TMEM117: variants seen among roughly 807,000 people sequenced by gnomAD.
The protein encoded by TMEM117 is transmembrane protein 117.
A neutral mutation model predicts 52.4 loss-of-function variants in TMEM117; 27 were observed. The observed-to-expected ratio is 0.51, with a 90% CI of 0.38 to 0.71. The LOEUF (loss-of-function observed/expected upper bound fraction) is 0.71. Among genes scored for constraint, TMEM117 ranks in the 30% least tolerant of loss-of-function variants. TMEM117 has a pLI of 0.00. For missense variants in TMEM117, 556 were observed against 630.5 expected (o/e 0.88, Z 1.26); for synonymous variants, 215 against 206.3 (o/e 1.04, Z -0.36).
the TMEM117 span, among the ~76,000 whole-genome samples, chr12:43,801,998 C>A: frequency 6.6e-6 from 1 of 152,200 alleles, no homozygotes; most frequent in Non-Finnish European, 1.5e-5. Context: ...CCACAGCAAG[C>A]TGGTCTGGGT....
In TMEM117 at chr12:44,239,394, A is replaced by G. The variant is rs148201916; in HGVS notation, c.608+28007A>G. Among the ~76,000 whole-genome samples the G allele has an allele frequency of 8.2e-3, 1,251 of 152,268 alleles. 13 individuals carry two copies. The highest frequency in any genetic ancestry group is 0.029 in the African/African-American group (1,187 of 41,566). The stretch of plus-strand genomic sequence containing the variant: ...TACCTGTGGCATTAAGGATTGTTCT[A>G]TCAGAAAATTTTATCAAATACACTG... On this transcript the variant is annotated intron_variant, in intron 5 of 7. Coordinates refer to ENST00000266534, the MANE Select transcript of TMEM117 (RefSeq NM_032256.3).
intron 4 of TMEM117, among the ~76,000 whole-genome samples, chr12:44,154,759 T>C (rs1948802975): frequency 6.7e-6 from 1 of 150,302 alleles, no homozygotes; most frequent in Non-Finnish European, 1.5e-5. Context: ...CAATATGCTA[T>C]ATATCTAAAA....
intron 2 of TMEM117, among the ~76,000 whole-genome samples, chr12:43,861,020 T>C (rs972598911): frequency 1.3e-5 from 2 of 152,118 alleles, no homozygotes; most frequent in African/African-American, 4.8e-5. Context: ...CTCCCTCCAG[T>C]GGGACATAGA....
intron 2 of TMEM117, among the ~76,000 whole-genome samples, chr12:43,910,112 C>T (rs11495413): frequency 0.66 from 67,089 of 102,016 alleles, 24,285 homozygotes; most frequent in East Asian, 0.83. Context: ...ACTGGCAAAC[C>T]GAATCCAGCA....
chr12:44,302,455 T>C (rs1243506158), intron 6 of TMEM117, among the ~76,000 whole-genome samples: 1 of 152,252 alleles, frequency 6.6e-6, no homozygotes, highest in Admixed American at 6.5e-5. Flanking sequence ...TTGTGCCTTT[T>C]CTGTTCTGCT....
intron 3 of TMEM117, among the ~76,000 whole-genome samples, chr12:44,124,215 G>A (rs1248239490): frequency 2.0e-5 from 3 of 152,038 alleles, no homozygotes; most frequent in Non-Finnish European, 4.4e-5. Context: ...CCATGTTGGT[G>A]GTGTACAAGA....
chr12:44,275,778 A>G (rs947521911), intron 5 of TMEM117, among the ~76,000 whole-genome samples: 1 of 151,942 alleles, frequency 6.6e-6, no homozygotes, highest in African/African-American at 2.4e-5. Context: ...TAGAGAGTAG[A>G]AGGATGGTTA....
chr12:44,180,556 A>G (rs1949181363), intron 4 of TMEM117, among the ~76,000 whole-genome samples: 1 of 126,162 alleles, frequency 7.9e-6, no homozygotes, highest in Admixed American at 1.0e-4. Flanking sequence ...TCCTGTGTCC[A>G]TGTGATCTCA....
At chr12:44,133,229 G>A (rs1039968365) in intron 3 of TMEM117, among the ~76,000 whole-genome samples, 1 of 152,202 alleles carries the variant, frequency 6.6e-6, no homozygotes, top group African/African-American at 2.4e-5. Flanking sequence ...TGGTGCACAT[G>A]TTGACAACAT....
At chr12:44,042,287 G>C (rs1395036766) in intron 3 of TMEM117, among the ~76,000 whole-genome samples, 1 of 139,766 alleles carries the variant, frequency 7.2e-6, no homozygotes, top group African/African-American at 2.8e-5. Flanking sequence ...GTTGTATTAT[G>C]TTTTTGGTTT....
intron 4 of TMEM117, among the ~76,000 whole-genome samples, chr12:44,153,175 A>G (rs1479353101): frequency 6.6e-6 from 1 of 151,822 alleles, no homozygotes. Flanking sequence ...ATCCATAAAA[A>G]CCCTGAAACA....
At chr12:44,152,685 ATATT>A (rs1381431186) in intron 4 of TMEM117, among the ~76,000 whole-genome samples, 6 of 133,438 alleles carry the variant, frequency 4.5e-5, no homozygotes, top group African/African-American at 1.4e-4. Context: ...TATATATATA[ATATT>A]TATATATAAA....
At position 44,379,893 on chromosome 12, in the gene TMEM117, C is replaced by T. The variant is rs184704253; in HGVS notation, c.898+3169C>T. ...TATTAAGCATAAAACCCTCTAGATC[C>T]GTCAGGGGATGACAAACGTTAATGT... On this transcript the variant is annotated intron_variant, in intron 7 of 7. Coordinates refer to ENST00000266534, the MANE Select transcript of TMEM117 (RefSeq NM_032256.3). 2.7e-4 allele frequency among the ~76,000 whole-genome samples: 41 copies of T among 152,230 alleles called. No homozygotes were observed. In the East Asian group the frequency reaches 4.6e-3, roughly 17 times the overall value.
intron 6 of TMEM117, among the ~76,000 whole-genome samples, chr12:44,373,682 C>G (rs1233376651): frequency 6.6e-6 from 1 of 151,454 alleles, no homozygotes; most frequent in Non-Finnish European, 1.5e-5. Context: ...AGACTGGAAC[C>G]TAGATAGATT....
chr12:44,215,340 G>A (rs1949701722), intron 5 of TMEM117, among the ~76,000 whole-genome samples: 1 of 152,178 alleles, frequency 6.6e-6, no homozygotes, highest in Non-Finnish European at 1.5e-5. Context: ...TTCTGCAGTT[G>A]TGCAAAGATG....
intron 3 of TMEM117, among the ~76,000 whole-genome samples, chr12:44,044,063 G>A (rs1946843401): frequency 6.6e-6 from 1 of 152,212 alleles, no homozygotes; most frequent in Non-Finnish European, 1.5e-5. Context: ...GGCTTAGGGA[G>A]ATTGGGATGG....
intron 2 of TMEM117, among the ~76,000 whole-genome samples, chr12:43,883,247 T>C (rs1304005772): frequency 3.3e-5 from 5 of 152,234 alleles, no homozygotes. Flanking sequence ...ATTTTAGTTA[T>C]TTTGGAGACA....
intron 5 of TMEM117, among the ~76,000 whole-genome samples, chr12:44,269,696 T>TTATA (rs1482102454): frequency 3.3e-5 from 5 of 152,082 alleles, no homozygotes; most frequent in Non-Finnish European, 7.4e-5. Context: ...AATCCACTAA[T>TTATA]TATATTTATA....
chr12:44,155,959 C>T (rs185569509), intron 4 of TMEM117, among the ~76,000 whole-genome samples: 5 of 152,114 alleles, frequency 3.3e-5, no homozygotes, highest in African/African-American at 1.2e-4. Context: ...ACTTATCCAT[C>T]CTGTAAAAGG....
Sources: gnomAD v4.1 joint callset for allele counts (sites outside exome capture counted in the v4.1 genomes callset) on GRCh38, gnomAD v4.1.1 for gene constraint, MANE v1.5 for transcripts, NCBI Gene and HGNC (gene_info 2026-07-23, HGNC 2026-07-21) for gene names.